PARD3: variants seen among roughly 807,000 people sequenced by gnomAD.
PARD3 encodes par-3 family cell polarity regulator.
A neutral mutation model predicts 155.4 loss-of-function variants in PARD3; 75 were observed. The observed-to-expected ratio is 0.48, with a 90% CI of 0.40 to 0.58. PARD3 has a LOEUF of 0.58. Ranked by LOEUF, PARD3 falls within the 20% of genes least tolerant of loss-of-function variation. The probability of loss-of-function intolerance (pLI) is 0.00; values close to 1 mark genes in which losing one functional copy is unlikely to be tolerated. For missense variants in PARD3, 1,642 were observed against 1,721.7 expected, an observed-to-expected ratio of 0.95 and a Z score of 0.82; for synonymous variants, 576 against 610.5, an observed-to-expected ratio of 0.94 and a Z score of 0.83.
intron 1 of PARD3, among the ~76,000 whole-genome samples, chr10:34,782,914 C>T: frequency 6.6e-6 from 1 of 151,872 alleles, no homozygotes; most frequent in East Asian, 1.9e-4. Context: ...TTAGTAGAAA[C>T]GGGTTTCACC....
At chr10:34,460,925 C>T (rs1016444439) in intron 4 of PARD3, among the ~76,000 whole-genome samples, 1 of 152,144 alleles carries the variant, frequency 6.6e-6, no homozygotes, top group African/African-American at 2.4e-5. Context: ...TAACATGTAA[C>T]ATACCAAGCA....
intron 20 of PARD3, among the ~76,000 whole-genome samples, chr10:34,288,425 A>T (rs1390411475): frequency 6.6e-6 from 1 of 152,206 alleles, no homozygotes; most frequent in Admixed American, 6.5e-5. Context: ...AAATGAAATC[A>T]ACTGTAAATA....
chr10:34,665,835 A>T (rs2133194836), intron 2 of PARD3, among the ~76,000 whole-genome samples: 2 of 116,910 alleles, frequency 1.7e-5, no homozygotes, highest in Middle Eastern at 8.8e-3. Context: ...ACTTCGTCTC[A>T]ATTAAAGAAC....
At chr10:34,701,731 C>CA (rs1220371038) in intron 1 of PARD3, among the ~76,000 whole-genome samples, 2 of 151,996 alleles carry the variant, frequency 1.3e-5, no homozygotes, top group African/African-American at 4.8e-5. Flanking sequence ...CCCATCTCTA[C>CA]AAAAAAACTG....
intron 1 of PARD3, among the ~76,000 whole-genome samples, chr10:34,698,218 T>C (rs1021177852): frequency 3.3e-5 from 5 of 152,210 alleles, no homozygotes; most frequent in Admixed American, 2.0e-4. Flanking sequence ...TCCCTCCAGA[T>C]GAGATCATTA....
At chr10:34,605,352 C>T (rs1414062660) in intron 2 of PARD3, among the ~76,000 whole-genome samples, 1 of 149,036 alleles carries the variant, frequency 6.7e-6, no homozygotes, top group African/African-American at 2.5e-5. Context: ...TACCACCACG[C>T]CTGGCTAATT....
At chr10:34,256,557 G>A (rs2133775788) in intron 22 of PARD3, among the ~76,000 whole-genome samples, 1 of 152,340 alleles carries the variant, frequency 6.6e-6, no homozygotes, top group African/African-American at 2.4e-5. Context: ...TAAGCTGCAA[G>A]AGACATCCAC....
intron 22 of PARD3, among the ~76,000 whole-genome samples, chr10:34,246,998 G>C (rs1005628885): frequency 6.6e-6 from 1 of 152,110 alleles, no homozygotes; most frequent in African/African-American, 2.4e-5. Flanking sequence ...GAGGTGGGAG[G>C]ACTGCTGGAG....
At chr10:34,740,140 A>T (rs2094983254) in intron 1 of PARD3, among the ~76,000 whole-genome samples, 1 of 152,158 alleles carries the variant, frequency 6.6e-6, no homozygotes, top group Non-Finnish European at 1.5e-5. Flanking sequence ...AAGGGAGGAA[A>T]CCTGAAACCA....
intron 5 of PARD3, chr10:34,426,636 C>T (rs979691401): frequency 6.6e-6 from 1 of 152,106 alleles, no homozygotes; most frequent in Admixed American, 6.5e-5. Flanking sequence ...AGACTAATAT[C>T]TAGTGGCAAA....
intron 1 of PARD3, among the ~76,000 whole-genome samples, chr10:34,715,256 T>C (rs1166681841): frequency 6.6e-6 from 1 of 152,006 alleles, no homozygotes; most frequent in African/African-American, 2.4e-5. Flanking sequence ...TTTTAAATTT[T>C]TTGTAGAGAC....
intron 2 of PARD3, among the ~76,000 whole-genome samples, chr10:34,551,244 GT>G (rs1323259840): frequency 6.6e-6 from 1 of 152,120 alleles, no homozygotes; most frequent in African/African-American, 2.4e-5. Context: ...GCAGTGCCCT[GT>G]TCAGCCCCTC....
chr10:34,297,310 ATAAG>A (rs903838565), intron 20 of PARD3, among the ~76,000 whole-genome samples: 13 of 152,240 alleles, frequency 8.5e-5, no homozygotes, highest in East Asian at 1.9e-4. Context: ...CTCTAAAAAA[ATAAG>A]TAAGTAAATA....
intron 4 of PARD3, among the ~76,000 whole-genome samples, chr10:34,453,196 C>A (rs2077153035): frequency 6.6e-6 from 1 of 152,106 alleles, no homozygotes; most frequent in South Asian, 2.1e-4. Flanking sequence ...TTTTTGAGAC[C>A]TGTACTTCCA....
chr10:34,600,159 ACT>A (rs1245673415), intron 2 of PARD3, among the ~76,000 whole-genome samples: 2 of 145,810 alleles, frequency 1.4e-5, no homozygotes, highest in African/African-American at 5.2e-5. Context: ...ACATGGTAAA[ACT>A]CTGTCTCTAT....
At chr10:34,617,648 T>C (rs1324556945) in intron 2 of PARD3, among the ~76,000 whole-genome samples, 5 of 152,214 alleles carry the variant, frequency 3.3e-5, no homozygotes, top group South Asian at 2.1e-4. Context: ...AATTTGTCTA[T>C]AGATAACACA....
chr10:34,789,608 G>T (rs1438422994), intron 1 of PARD3, among the ~76,000 whole-genome samples: 4 of 152,008 alleles, frequency 2.6e-5, no homozygotes, highest in African/African-American at 9.7e-5. Context: ...GTAGGCTGAG[G>T]CAAGAGGATC....
intron 1 of PARD3, among the ~76,000 whole-genome samples, chr10:34,776,965 T>G (rs1839641922): frequency 6.6e-6 from 1 of 150,548 alleles, no homozygotes; most frequent in Non-Finnish European, 1.5e-5. Flanking sequence ...GCCTCCTGAA[T>G]AGCTGGACTT....
intron 5 of PARD3, among the ~76,000 whole-genome samples, chr10:34,445,421 C>G (rs2076687259): frequency 6.6e-6 from 1 of 152,170 alleles, no homozygotes; most frequent in Admixed American, 6.5e-5. Flanking sequence ...GTGGCTTCTA[C>G]TCTTCTAGTA....
Sources: gnomAD v4.1 joint callset for allele counts (sites outside exome capture counted in the v4.1 genomes callset) on GRCh38, gnomAD v4.1.1 for gene constraint, MANE v1.5 for transcripts, NCBI Gene and HGNC (gene_info 2026-07-23, HGNC 2026-07-21) for gene names.